HTT: variants seen among roughly 807,000 people sequenced by gnomAD.
HTT encodes huntington disease protein.
A neutral mutation model predicts 362.3 loss-of-function variants in HTT; 104 were observed. The ratio of observed to expected loss-of-function variants is 0.29; its 90% CI spans 0.24 to 0.34. The LOEUF is 0.34. HTT is among the 10% of genes least tolerant of loss of function. The probability of loss-of-function intolerance (pLI) is 1.00; values close to 1 mark genes in which losing one functional copy is unlikely to be tolerated. For missense variants in HTT, 3,301 were observed against 3,928.6 expected, an observed-to-expected ratio of 0.84 and a Z score of 4.27; for synonymous variants, 1,577 against 1,548.7, an observed-to-expected ratio of 1.02 and a Z score of -0.43.
At chr4:3,153,216 C>T (rs1197714192) in intron 26 of HTT, among the ~76,000 whole-genome samples, 1 of 152,028 alleles carries the variant, frequency 6.6e-6, no homozygotes, top group Non-Finnish European at 1.5e-5. Flanking sequence ...TATATGGATG[C>T]TAATCTCATT....
intron 59 of HTT, among the ~76,000 whole-genome samples, chr4:3,229,213 A>G (rs1197666331): frequency 6.8e-6 from 1 of 146,906 alleles, no homozygotes; most frequent in Non-Finnish European, 1.5e-5. Context: ...CACCATACAC[A>G]CAACACACAC....
chr4:3,233,261 T>C lies in HTT; in HGVS notation c.8364T>C (p.Tyr2788=), dbSNP rs755338518. ...SRVGALHGVL[Y]VLECDLLDDT... ...TTGGAGCCCTGCACGGCGTCCTCTA[T>C]GTGCTGGAGTGCGACCTGCTGGACG... The change falls in exon 61 of 67, where the codon TAT becomes TAC. Residue 2788 remains tyrosine (Y), a synonymous_variant. Transcript: ENST00000355072. The C allele has an allele frequency of 1.2e-6, 2 of 1,611,556 alleles. No individual in the cohort carries two copies. The highest frequency in any genetic ancestry group is 1.3e-5 in the African/African-American group (1 of 75,040).
At position 3,203,333 on chromosome 4, in the gene HTT, G is replaced by A. The variant is rs371567182; in HGVS notation, c.5577-674G>A. The stretch of plus-strand genomic sequence containing the variant: ...ACCTCTGTCCCCGTTAAGGCCCTTT[G>A]CCGCAATGGGAAGGACGTCGCTCGG... On this transcript the variant is annotated intron_variant, in intron 41 of 66. Transcript: ENST00000355072. 1.6e-4 allele frequency among the ~76,000 whole-genome samples: 24 copies of A among 152,352 alleles called. No homozygotes were observed. In the South Asian group the frequency reaches 4.8e-3, roughly 30 times the overall value.
chr4:3,229,983 G>A lies in HTT; in HGVS notation c.8206G>A (p.Glu2736Lys), dbSNP rs1426415092. Residue 2736 changes from glutamate (E) to lysine (K), a missense_variant, in exon 60 of 67, where the codon GAG (glutamate) becomes AAG (lysine). Around this residue, in one of 4 missense-constraint regions of HTT, gnomAD observed 753 missense variants for 1,021.3 expected, o/e 0.74. Transcript: ENST00000355072. ...GCGAAGGGTGCACCCTTCAGAAGAC[G>A]AGATCCTCGCTCAGTACCTGGTGCC... ...ELRRVHPSEDEILAQYLVPAT... is the reference protein window; with the variant it reads ...ELRRVHPSEDKILAQYLVPAT... 4 of 1,614,076 alleles carry A rather than the reference G, an allele frequency of 2.5e-6. No individual in the cohort carries two copies. The highest frequency in any genetic ancestry group is 1.7e-5 in the Admixed American group (1 of 60,026).
chr4:3,203,720 A>AG (rs1719701993), intron 41 of HTT, among the ~76,000 whole-genome samples: 1 of 152,200 alleles, frequency 6.6e-6, no homozygotes, highest in African/African-American at 2.4e-5. Flanking sequence ...TCTGAAATAA[A>AG]GGTGCTGATT....
chr4:3,108,359 A>G (rs1296173067), intron 6 of HTT, among the ~76,000 whole-genome samples: 1 of 152,234 alleles, frequency 6.6e-6, no homozygotes, highest in Non-Finnish European at 1.5e-5. Flanking sequence ...AAGGGAGATG[A>G]TGAATCTAAA....
intron 66 of HTT, among the ~76,000 whole-genome samples, 153 bp downstream of exon 66, chr4:3,239,131 G>A (rs1721685882): frequency 6.6e-6 from 1 of 151,270 alleles, no homozygotes; most frequent in Non-Finnish European, 1.5e-5. Flanking sequence ...AATGCTGACA[G>A]GGGTACAGAA....
At chr4:3,126,156 G>A (rs775668556) in intron 11 of HTT, among the ~76,000 whole-genome samples, 5 of 152,166 alleles carry the variant, frequency 3.3e-5, no homozygotes, top group African/African-American at 7.2e-5. Context: ...GGGTTCCAGC[G>A]ATTCTCCTGC....
At chr4:3,111,960 C>T (rs1714774541) in intron 6 of HTT, among the ~76,000 whole-genome samples, 1 of 152,180 alleles carries the variant, frequency 6.6e-6, no homozygotes, top group Non-Finnish European at 1.5e-5. Flanking sequence ...CCTACCCTCC[C>T]CTGTCCCCAG....
chr4:3,170,326 A>G (rs1239130948), intron 29 of HTT, among the ~76,000 whole-genome samples: 1 of 151,914 alleles, frequency 6.6e-6, no homozygotes, highest in Non-Finnish European at 1.5e-5. Context: ...ATTCCTCTTT[A>G]GGAATAATTA....
intron 21 of HTT, among the ~76,000 whole-genome samples, chr4:3,139,894 T>G (rs2110197492): frequency 6.6e-6 from 1 of 152,320 alleles, no homozygotes; most frequent in Middle Eastern, 3.4e-3. Context: ...ACTTTCAAAG[T>G]TGGTTTTTAA....
At position 3,139,291 on chromosome 4, in the gene HTT, G is replaced by A. The variant is rs140883199; in HGVS notation, c.2799-1219G>A. ...TGGCTCATTGCAACTATTGCCTCCT[G>A]GGTTCAAGCGATTTTCCTGCCTCAG... On this transcript the variant is annotated intron_variant, in intron 21 of 66. Transcript: ENST00000355072. 2.4e-3 allele frequency among the ~76,000 whole-genome samples: 370 copies of A among 152,274 alleles called. 1 individual carries two copies. Among genetic ancestry groups the A allele is most frequent in the African/African-American group, 8.4e-3 (350 of 41,562 alleles).
At chr4:3,167,160 C>T (rs1180301666) in intron 29 of HTT, among the ~76,000 whole-genome samples, 1 of 152,230 alleles carries the variant, frequency 6.6e-6, no homozygotes, top group African/African-American at 2.4e-5. Flanking sequence ...CAACCTTTGC[C>T]TCCTGGTTTC....
rs1363469852 is a variant in HTT, at chr4:3,206,554, A to G, written c.5777A>G (p.Asp1926Gly). The change falls in exon 43 of 67, where the codon GAT (aspartate) becomes GGT (glycine). Residue 1926 changes from aspartate (D) to glycine (G), a missense_variant. Physicochemically the swap from Asp to Gly is moderately conservative, Grantham distance 94. Coordinates refer to ENST00000355072, the MANE Select transcript of HTT (RefSeq NM_001388492.1). This position sits in a 1 kb window ranked among gnomAD's most constrained non-coding sequence, Gnocchi z 4.6. ...TGGCTCATTGTAAATCACATTCAAG[A>G]TCTGATCAGCCTTTCCCACGAGCCT... is the stretch of plus-strand genomic sequence containing the variant. The part of the protein sequence containing the change: ...LTWLIVNHIQ[D>G]LISLSHEPPV... 1 of 1,614,112 alleles carries G rather than the reference A, an allele frequency of 6.2e-7. No individual in the cohort carries two copies. Among genetic ancestry groups the G allele is most frequent in the Non-Finnish European group, 8.5e-7 (1 of 1,180,006 alleles).
At chr4:3,230,843 A>C (rs1456935948) in intron 60 of HTT, among the ~76,000 whole-genome samples, 2 of 152,258 alleles carry the variant, frequency 1.3e-5, no homozygotes, top group South Asian at 4.2e-4. Context: ...ACCTTCTTGT[A>C]CTGTGGCACT....
intron 21 of HTT, among the ~76,000 whole-genome samples, chr4:3,138,065 G>GTTCCTTCCTTCC (rs57986232): frequency 8.9e-5 from 13 of 145,496 alleles, no homozygotes; most frequent in East Asian, 4.2e-4. Context: ...ACATACCATT[G>GTTCCTTCCTTCC]TTCCTTCCTT....
intron 6 of HTT, among the ~76,000 whole-genome samples, chr4:3,111,361 T>C (rs1169912825): frequency 1.3e-5 from 2 of 152,066 alleles, no homozygotes; most frequent in Non-Finnish European, 2.9e-5. Context: ...GCCCGGCTAA[T>C]TTTTGTATTT....
chr4:3,076,247 C>G (rs981785876), intron 1 of HTT, among the ~76,000 whole-genome samples: 1 of 152,176 alleles, frequency 6.6e-6, no homozygotes, highest in Admixed American at 6.5e-5. Context: ...GTCTGTGTGT[C>G]GAGTGTACAG....
At chr4:3,119,142 A>G (rs1031811472) in intron 8 of HTT, among the ~76,000 whole-genome samples, 1 of 152,236 alleles carries the variant, frequency 6.6e-6, no homozygotes, top group African/African-American at 2.4e-5. Context: ...AGTAAAAGCA[A>G]TTCTAGGATG....
Sources: allele counts gnomAD v4.1 joint callset (sites outside exome capture counted in the v4.1 genomes callset), GRCh38; gene constraint gnomAD v4.1.1; regional missense constraint gnomAD v4.1.1; non-coding constraint Gnocchi (gnomAD v3.1); transcripts MANE v1.5; gene names NCBI Gene and HGNC (gene_info 2026-07-23, HGNC 2026-07-21).